CUEDC1: variants seen among roughly 807,000 people sequenced by gnomAD.
CUEDC1 encodes the protein CUE domain containing 1, also known as CUE domain-containing protein 1.
A neutral mutation model predicts 43.7 loss-of-function variants in CUEDC1; 30 were observed. The ratio of observed to expected loss-of-function variants is 0.69; its 90% CI spans 0.51 to 0.93. CUEDC1 has a LOEUF of 0.93. Ranked by LOEUF, CUEDC1 falls within the 40% of genes least tolerant of loss-of-function variation. The pLI, the probability that CUEDC1 is intolerant of heterozygous loss-of-function variation, is 0.00. For synonymous variants in CUEDC1, 223 were observed against 223.6 expected (o/e 1.00, Z 0.02); for missense variants, 486 against 549.0 (o/e 0.89, Z 1.15).
rs1259126857 is a variant in CUEDC1, at chr17:57,861,991, C to T, written c.*1298G>A. 6.7e-6 allele frequency: 1 copy of T among 150,288 alleles called. No individual in the cohort carries two copies. Among genetic ancestry groups the T allele is most frequent in the Non-Finnish European group, 1.5e-5 (1 of 67,578 alleles). 9.3% of individuals were successfully genotyped at this position (150,288 alleles called of 1,614,324 possible). On this transcript the variant is annotated 3_prime_UTR_variant, in exon 11 of 11. Coordinates refer to ENST00000577830, the MANE Select transcript of CUEDC1 (RefSeq NM_001271875.2). ...GCGTTGCGAGTCCGGGCAGGGTGGG[C>T]GGGACGAGGTGCGATCGCCGGCTCG...
chr17:57,939,872 C>T (rs1197304117), intron 1 of CUEDC1, among the ~76,000 whole-genome samples: 1 of 152,184 alleles, frequency 6.6e-6, no homozygotes, highest in African/African-American at 2.4e-5. Flanking sequence ...ACAGCAGCAG[C>T]GGCGTCCTGC....
rs889118169 is a variant in CUEDC1 at position 57,885,129 on chromosome 17, G to A, written c.336+100C>T. On this transcript the variant is annotated intron_variant, in intron 2 of 10. Transcript: ENST00000577830. ...TAGCGGAGTAACCCAGGTCCTCTTAGAGGTTCCAGTGGTGGTTGGAATTAC... is the reference window on the plus strand; with the variant it reads ...TAGCGGAGTAACCCAGGTCCTCTTAAAGGTTCCAGTGGTGGTTGGAATTAC... The A allele has an allele frequency of 2.0e-6, 3 of 1,465,168 alleles. No individual in the cohort carries two copies. The African/African-American group carries it at 4.3e-5, about 21-fold the overall frequency. 90.8% of individuals were successfully genotyped at this position (1,465,168 alleles called of 1,614,324 possible). A position where few individuals can be genotyped will look rare whatever the true frequency, so the allele number is the denominator to read the frequency against.
chr17:57,906,770 G>A (rs779718589), intron 1 of CUEDC1, among the ~76,000 whole-genome samples: 9 of 151,930 alleles, frequency 5.9e-5, no homozygotes, highest in Non-Finnish European at 1.3e-4. Flanking sequence ...AGGGAGTTCC[G>A]AGACCAGCCT....
intron 1 of CUEDC1, among the ~76,000 whole-genome samples, chr17:57,927,485 G>A (rs538696836): frequency 8.5e-5 from 13 of 152,072 alleles, no homozygotes; most frequent in African/African-American, 3.1e-4. Flanking sequence ...CACACCCTCT[G>A]GGTTGGGGCA....
At chr17:57,863,680 A>C (rs2073913570) in intron 10 of CUEDC1, among the ~76,000 whole-genome samples, 1 of 152,184 alleles carries the variant, frequency 6.6e-6, no homozygotes, top group Non-Finnish European at 1.5e-5. Context: ...TAGGACTCAG[A>C]CACCAGGCTG....
At chr17:57,893,513 G>A (rs948878761) in intron 1 of CUEDC1, among the ~76,000 whole-genome samples, 3 of 152,310 alleles carry the variant, frequency 2.0e-5, no homozygotes, top group South Asian at 2.1e-4. Context: ...CCCAAGGCTC[G>A]GAAAAGGCTT....
At chr17:57,924,078 C>A (rs1278545736) in intron 1 of CUEDC1, among the ~76,000 whole-genome samples, 3 of 151,744 alleles carry the variant, frequency 2.0e-5, no homozygotes, top group Non-Finnish European at 4.4e-5. Context: ...TCTGGTTCTA[C>A]AGGCACACAC....
At chr17:57,918,796 G>C (rs1051621127) in intron 1 of CUEDC1, among the ~76,000 whole-genome samples, 9 of 152,156 alleles carry the variant, frequency 5.9e-5, no homozygotes, top group Non-Finnish European at 1.0e-4. Flanking sequence ...CATACAATAG[G>C]CCTGGAAATA....
intron 1 of CUEDC1, among the ~76,000 whole-genome samples, chr17:57,916,311 G>A (rs548035618): frequency 1.3e-5 from 2 of 152,382 alleles, no homozygotes; most frequent in Non-Finnish European, 1.5e-5. Context: ...GCCAGGACAG[G>A]AGCCATGCAG....
At chr17:57,913,973 G>A (rs1051727487) in intron 1 of CUEDC1, among the ~76,000 whole-genome samples, 2 of 152,142 alleles carry the variant, frequency 1.3e-5, no homozygotes, top group Non-Finnish European at 2.9e-5. Context: ...CGTGGCTTTG[G>A]CCTATTGAAC....
chr17:57,940,965 G>A (rs1394885281), intron 1 of CUEDC1, among the ~76,000 whole-genome samples: 1 of 152,190 alleles, frequency 6.6e-6, no homozygotes, highest in Non-Finnish European at 1.5e-5. Context: ...GCTTGTCCTA[G>A]TGACTCCAGG....
chr17:57,866,601 C>T (rs2073963190), intron 9 of CUEDC1, 57 bp from the exon 10 acceptor site: 3 of 1,572,794 alleles, frequency 1.9e-6, no homozygotes, highest in East Asian at 2.2e-5. Context: ...CGCTCAGGCA[C>T]GGCCCCTAGA....
intron 1 of CUEDC1, among the ~76,000 whole-genome samples, chr17:57,916,927 G>A (rs2074648301): frequency 6.6e-6 from 1 of 152,148 alleles, no homozygotes; most frequent in South Asian, 2.1e-4. Flanking sequence ...CCAGGGGAAA[G>A]TTTGTGAGAA....
In CUEDC1 at chr17:57,925,060, A is replaced by G. The variant is rs79535738; in HGVS notation, c.-316+30165T>C. Among the ~76,000 whole-genome samples the G allele has an allele frequency of 2.0e-5, 3 of 152,094 alleles. No homozygotes were observed. The East Asian group carries it at 5.8e-4, about 29-fold the overall frequency. ...TTATGTAGTGTTACACCAAAAAGCT[A>G]GATTCAAAGGTATGTAAATCAGTAA... On this transcript the variant is annotated intron_variant, in intron 1 of 10. Transcript: ENST00000577830.
intron 3 of CUEDC1, among the ~76,000 whole-genome samples, chr17:57,875,088 C>G (rs2074097724): frequency 1.3e-5 from 2 of 152,162 alleles, no homozygotes; most frequent in African/African-American, 4.8e-5. Flanking sequence ...TCACTGCCAC[C>G]TTCTGTCACT....
chr17:57,915,104 T>C (rs1314640422), intron 1 of CUEDC1: 1 of 152,076 alleles, frequency 6.6e-6, no homozygotes, highest in Non-Finnish European at 1.5e-5. Context: ...CAAGTAGAGA[T>C]TTAAGGGTCT....
intron 9 of CUEDC1, chr17:57,867,114 C>G: frequency 1.7e-6 from 1 of 581,114 alleles, no homozygotes; most frequent in Non-Finnish European, 3.1e-6. Flanking sequence ...GTACCTGGCA[C>G]TTCATGCTAC....
intron 2 of CUEDC1, among the ~76,000 whole-genome samples, chr17:57,883,853 T>C (rs1479294035): frequency 1.3e-5 from 2 of 152,202 alleles, no homozygotes; most frequent in Non-Finnish European, 2.9e-5. Flanking sequence ...TGTCCATGGC[T>C]GCATGTCCCA....
In CUEDC1 at chr17:57,940,605, G is replaced by C. The variant is rs554704801; in HGVS notation, c.-316+14620C>G. 3.3e-5 allele frequency among the ~76,000 whole-genome samples: 5 copies of C among 152,252 alleles called. No homozygotes were observed. The East Asian group carries it at 9.6e-4, about 29-fold the overall frequency. On this transcript the variant is annotated intron_variant, in intron 1 of 10. Transcript: ENST00000577830. ...AAACCTAGATGGTGTCAAGCCCCTG[G>C]GATGTCAGGATTTGATTATTCCTGC...
Sources: gnomAD v4.1 joint callset for allele counts (sites outside exome capture counted in the v4.1 genomes callset) on GRCh38, gnomAD v4.1.1 for gene constraint, MANE v1.5 for transcripts, NCBI Gene and HGNC (gene_info 2026-07-23, HGNC 2026-07-21) for gene names.